The following SMOC2 variants were observed in gnomAD, a reference collection of about 807,000 sequenced individuals.
The protein encoded by SMOC2 is SPARC related modular calcium binding 2.
SMOC2 carries 39 observed loss-of-function variants against 61.4 expected under a neutral mutation model. The ratio of observed to expected loss-of-function variants is 0.64; its 90% CI spans 0.49 to 0.83. The LOEUF (loss-of-function observed/expected upper bound fraction) is 0.83. SMOC2 is among the 40% of genes least tolerant of loss of function. The pLI is 0.00. For missense variants in SMOC2, 556 were observed against 592.9 expected, an observed-to-expected ratio of 0.94 and a Z score of 0.65; for synonymous variants, 247 against 239.9, an observed-to-expected ratio of 1.03 and a Z score of -0.27.
chr6:168,566,483 T>C (rs1330608450), intron 7 of SMOC2, among the ~76,000 whole-genome samples: 3 of 112,176 alleles, frequency 2.7e-5, no homozygotes, highest in African/African-American at 3.8e-5. Context: ...GCACTTCTTT[T>C]TTTTTTTTTT....
intron 1 of SMOC2, among the ~76,000 whole-genome samples, chr6:168,488,910 A>G (rs1180387672): frequency 6.0e-5 from 8 of 134,120 alleles, no homozygotes; most frequent in East Asian, 2.2e-4. Context: ...CTGTTTTAGA[A>G]TGAAATATAT....
intron 9 of SMOC2, among the ~76,000 whole-genome samples, chr6:168,622,949 C>A (rs759231095): frequency 3.9e-5 from 6 of 152,190 alleles, no homozygotes; most frequent in African/African-American, 7.2e-5. Context: ...TGGGATTGAA[C>A]TTCCGAGCAG....
intron 1 of SMOC2, among the ~76,000 whole-genome samples, chr6:168,464,265 C>CGGAAGGAAGGAAGGATGGAAGGAA (rs1412732611): frequency 1.3e-5 from 2 of 148,426 alleles, no homozygotes; most frequent in Non-Finnish European, 3.0e-5. Context: ...GAAGGACGGA[C>CGGAAGGAAGGAAGGATGGAAGGAA]GGAAGGAAGG....
chr6:168,632,411 A>T (rs2115248758), intron 9 of SMOC2, among the ~76,000 whole-genome samples: 1 of 152,344 alleles, frequency 6.6e-6, no homozygotes, highest in South Asian at 2.1e-4. Context: ...CGTGTATGAA[A>T]ATAATCACTC....
chr6:168,573,766 C>T (rs1173454482), intron 7 of SMOC2, among the ~76,000 whole-genome samples: 1 of 152,212 alleles, frequency 6.6e-6, no homozygotes, highest in Non-Finnish European at 1.5e-5. Context: ...TCACCAGCCT[C>T]ATTCTCAGGC....
rs551840925 is a variant in SMOC2, at chr6:168,476,478, G to GTGTA, written c.85-33433_85-33430dup. Reference sequence around the variant, plus strand: ...GCAATCTTTTATCCTGTGTGTGTGTGTGTATGTGTGTGTGTGTGTGTCTAT... The same window carrying GTGTA: ...GCAATCTTTTATCCTGTGTGTGTGTGTGTATGTATGTGTGTGTGTGTGTGTCTAT... On this transcript the variant is annotated intron_variant, in intron 1 of 12. Transcript: ENST00000356284. Among the ~76,000 whole-genome samples, 12 of 134,624 alleles carry GTGTA rather than the reference G, an allele frequency of 8.9e-5. No individual in the cohort carries two copies. The South Asian group carries it at 3.0e-3, about 34-fold the overall frequency. 88.3% of individuals were successfully genotyped at this position (134,624 alleles called of 152,430 possible).
At chr6:168,551,605 C>T (rs1053800638) in intron 7 of SMOC2, among the ~76,000 whole-genome samples, 3 of 152,094 alleles carry the variant, frequency 2.0e-5, no homozygotes, top group South Asian at 4.1e-4. Context: ...AGGCACCCAC[C>T]ACCACACCCA....
At chr6:168,589,230 T>G (rs1283731032) in intron 7 of SMOC2, among the ~76,000 whole-genome samples, 2 of 152,240 alleles carry the variant, frequency 1.3e-5, no homozygotes, top group African/African-American at 4.8e-5. Context: ...ATACTGTCAA[T>G]ACTTGTAATA....
At chr6:168,469,893 T>C (rs1471348186) in intron 1 of SMOC2, among the ~76,000 whole-genome samples, 1 of 152,268 alleles carries the variant, frequency 6.6e-6, no homozygotes, top group Non-Finnish European at 1.5e-5. Context: ...TCTCGTTGTC[T>C]TGGGTTGGAA....
At chr6:168,444,229 T>C (rs768517338) in intron 1 of SMOC2, among the ~76,000 whole-genome samples, 12 of 152,180 alleles carry the variant, frequency 7.9e-5, no homozygotes, top group Admixed American at 2.6e-4. Flanking sequence ...CTTGCCTCTC[T>C]GCCTCCTTCT....
At chr6:168,568,877 G>T (rs1784604967) in intron 7 of SMOC2, among the ~76,000 whole-genome samples, 2 of 152,146 alleles carry the variant, frequency 1.3e-5, no homozygotes, top group Non-Finnish European at 2.9e-5. Context: ...TCTTTTCGTG[G>T]CTTGATCACT....
chr6:168,471,400 G>A lies in SMOC2; in HGVS notation c.84+29946G>A, dbSNP rs1433833397. On this transcript the variant is annotated intron_variant, in intron 1 of 12. Coordinates refer to ENST00000356284, the MANE Select transcript of SMOC2 (RefSeq NM_001166412.2). Reference sequence around the variant, plus strand: ...TAATGGCCTCAAGGTTCATTCATGCGGTAACATAGTTCAGCATTTCCTTCT... The same window carrying A: ...TAATGGCCTCAAGGTTCATTCATGCAGTAACATAGTTCAGCATTTCCTTCT... 6.6e-5 allele frequency among the ~76,000 whole-genome samples: 10 copies of A among 152,194 alleles called. No individual in the cohort carries two copies. The East Asian group carries it at 1.5e-3, about 23-fold the overall frequency.
chr6:168,545,966 A>G (rs1783985590), intron 5 of SMOC2, among the ~76,000 whole-genome samples: 1 of 152,164 alleles, frequency 6.6e-6, no homozygotes, highest in Non-Finnish European at 1.5e-5. Flanking sequence ...TATTGTTATT[A>G]TCAGTGTTAG....
intron 7 of SMOC2, among the ~76,000 whole-genome samples, chr6:168,550,037 T>C (rs115376956): frequency 6.6e-6 from 1 of 152,334 alleles, no homozygotes; most frequent in African/African-American, 2.4e-5. Context: ...TGCTTCATCT[T>C]TGGTTAATGA....
chr6:168,476,121 A>G (rs963106146), intron 1 of SMOC2, among the ~76,000 whole-genome samples: 1 of 152,174 alleles, frequency 6.6e-6, no homozygotes, highest in African/African-American at 2.4e-5. Flanking sequence ...TTCAAACTCT[A>G]TTTTTATTTT....
intron 1 of SMOC2, among the ~76,000 whole-genome samples, chr6:168,443,879 C>A (rs1781273116): frequency 6.6e-6 from 1 of 152,196 alleles, no homozygotes; most frequent in African/African-American, 2.4e-5. Context: ...TACTTAATTT[C>A]ATAATCTTCA....
chr6:168,626,124 AG>A (rs767539183), intron 9 of SMOC2, among the ~76,000 whole-genome samples: 6 of 152,226 alleles, frequency 3.9e-5, no homozygotes, highest in South Asian at 2.1e-4. Context: ...CACGTGAAGG[AG>A]GCAAGTTCCT....
chr6:168,527,688 A>G lies in SMOC2; in HGVS notation c.424A>G (p.Ser142Gly). 6.4e-7 allele frequency: 1 copy of G among 1,552,432 alleles called. No individual in the cohort carries two copies. The highest frequency in any genetic ancestry group is 8.7e-7 in the Non-Finnish European group (1 of 1,147,586). ...CGTCACGCCCAACGGGAGGCCCATCAGCGGCACTGCCGTGGCCCACAAGAC... is the reference window on the plus strand; with the variant it reads ...CGTCACGCCCAACGGGAGGCCCATCGGCGGCACTGCCGTGGCCCACAAGAC... ...WCVTPNGRPI[S>G]GTAVAHKTPR... The change falls in exon 4 of 13, where the codon AGC becomes GGC. Residue 142 changes from serine (S) to glycine (G), a missense_variant. Physicochemically the swap from Ser to Gly is moderately conservative, Grantham distance 56. Transcript: ENST00000356284.
At chr6:168,606,849 C>A (rs760266260) in intron 8 of SMOC2, among the ~76,000 whole-genome samples, 1 of 152,064 alleles carries the variant, frequency 6.6e-6, no homozygotes, top group Non-Finnish European at 1.5e-5. Context: ...ATGGTGTTGG[C>A]GGGCACTGCG....
Sources: allele counts gnomAD v4.1 joint callset (sites outside exome capture counted in the v4.1 genomes callset), GRCh38; gene constraint gnomAD v4.1.1; transcripts MANE v1.5; gene names NCBI Gene and HGNC (gene_info 2026-07-23, HGNC 2026-07-21).